Variants in ARID2 observed in about 807,000 individuals in gnomAD.
ARID2 encodes the protein AT-rich interactive domain-containing protein 2.
A neutral mutation model predicts 184.6 loss-of-function variants in ARID2; 32 were observed. The ratio of observed to expected loss-of-function variants is 0.17; its 90% CI spans 0.13 to 0.23. The LOEUF (loss-of-function observed/expected upper bound fraction) is 0.23, where lower values mean the gene tolerates loss of function less well. ARID2 is among the 10% of genes least tolerant of loss of function. ARID2 has a pLI of 1.00. For synonymous variants in ARID2, 836 were observed against 772.6 expected, an observed-to-expected ratio of 1.08 and a Z score of -1.36; for missense variants, 1,696 against 2,197.6, an observed-to-expected ratio of 0.77 and a Z score of 4.56.
chr12:45,847,911 A>T (rs141487312), intron 12 of ARID2, among the ~76,000 whole-genome samples: 1 of 152,050 alleles, frequency 6.6e-6, no homozygotes, highest in East Asian at 1.9e-4. Context: ...TTTGTCTTCT[A>T]CATTGCAACC....
At position 45,895,990 on chromosome 12, in the gene ARID2, G is replaced by C. The variant is rs560318851; in HGVS notation, c.5363+2269G>C. Among the ~76,000 whole-genome samples, 14 of 152,332 alleles carry C rather than the reference G, an allele frequency of 9.2e-5. No homozygotes were observed. In the South Asian group the frequency reaches 2.1e-3, roughly 23 times the overall value. ...GATTTCTCATGTTCATGGATTGGAAGACTTAATTTAGGTGAGATGTCAGTA... is the reference window on the plus strand; with the variant it reads ...GATTTCTCATGTTCATGGATTGGAACACTTAATTTAGGTGAGATGTCAGTA... On this transcript the variant is annotated intron_variant, in intron 20 of 20. Coordinates refer to ENST00000334344, the MANE Select transcript of ARID2 (RefSeq NM_152641.4).
At chr12:45,828,006 C>T (rs1025816226) in intron 6 of ARID2, among the ~76,000 whole-genome samples, 1 of 151,850 alleles carries the variant, frequency 6.6e-6, no homozygotes, top group Non-Finnish European at 1.5e-5. Flanking sequence ...TTTTTGGACT[C>T]CTATAAGTAC....
At chr12:45,812,906 C>G (rs868705562) in intron 4 of ARID2, among the ~76,000 whole-genome samples, 12 of 152,290 alleles carry the variant, frequency 7.9e-5, no homozygotes, top group Middle Eastern at 3.4e-3. Context: ...TGTTCCCAAA[C>G]AAACACTTTT....
At chr12:45,804,744 C>CT (rs1196829157) in intron 3 of ARID2, among the ~76,000 whole-genome samples, 1 of 152,024 alleles carries the variant, frequency 6.6e-6, no homozygotes, top group Non-Finnish European at 1.5e-5. Flanking sequence ...AATACATCAT[C>CT]TAAACCCCCA....
chr12:45,898,894 A>G (rs1393706632), intron 20 of ARID2, among the ~76,000 whole-genome samples: 1 of 152,156 alleles, frequency 6.6e-6, no homozygotes, highest in African/African-American at 2.4e-5. Context: ...AGCCTGTGTG[A>G]CAGAGCAAGA....
chr12:45,900,170 C>T (rs1213751961), intron 20 of ARID2, among the ~76,000 whole-genome samples: 1 of 152,100 alleles, frequency 6.6e-6, no homozygotes, highest in Non-Finnish European at 1.5e-5. Flanking sequence ...AAGTGATTCT[C>T]CTGCCTCAGC....
intron 6 of ARID2, among the ~76,000 whole-genome samples, chr12:45,821,893 C>T (rs1043373554): frequency 3.9e-5 from 6 of 152,134 alleles, no homozygotes; most frequent in Non-Finnish European, 7.4e-5. Flanking sequence ...AAGTGTCCAT[C>T]TAGAGGAAAA....
intron 6 of ARID2, among the ~76,000 whole-genome samples, chr12:45,823,248 A>G (rs1349725840): frequency 6.6e-6 from 1 of 152,174 alleles, no homozygotes; most frequent in African/African-American, 2.4e-5. Context: ...GAAGTTAAGA[A>G]GGAAATTTAA....
intron 6 of ARID2, among the ~76,000 whole-genome samples, chr12:45,836,003 T>G (rs1445192437): frequency 6.6e-6 from 1 of 152,162 alleles, no homozygotes; most frequent in Non-Finnish European, 1.5e-5. Flanking sequence ...GATTTCTGAT[T>G]TCTTTCACAG....
intron 3 of ARID2, among the ~76,000 whole-genome samples, chr12:45,798,621 A>G (rs972470494): frequency 2.6e-5 from 4 of 152,198 alleles, no homozygotes; most frequent in Non-Finnish European, 4.4e-5. Flanking sequence ...AAGTTCTTCT[A>G]AAAGTAAGGT....
At chr12:45,875,668 C>T (rs1260034564) in intron 16 of ARID2, among the ~76,000 whole-genome samples, 4 of 152,360 alleles carry the variant, frequency 2.6e-5, no homozygotes, top group South Asian at 2.1e-4. Context: ...TTCTGGATAA[C>T]GTGCTGCAGC....
At position 45,818,424 on chromosome 12, in the gene ARID2, C is replaced by T. The variant is rs140623973; in HGVS notation, c.637+536C>T. ...CTAGATTATCACACAGAGCAAATTA[C>T]TCAGTTTTCTCTTGCAGTTTAATAA... is the stretch of plus-strand genomic sequence containing the variant. On this transcript the variant is annotated intron_variant, in intron 5 of 20. Coordinates refer to ENST00000334344, the MANE Select transcript of ARID2 (RefSeq NM_152641.4). Among the ~76,000 whole-genome samples the T allele has an allele frequency of 1.5e-4, 23 of 152,248 alleles. 1 individual carries two copies. Among genetic ancestry groups the T allele is most frequent in the African/African-American group, 5.5e-4 (23 of 41,562 alleles).
intron 3 of ARID2, among the ~76,000 whole-genome samples, chr12:45,789,908 G>A (rs1429818224): frequency 6.6e-6 from 1 of 152,126 alleles, no homozygotes; most frequent in Non-Finnish European, 1.5e-5. Flanking sequence ...CTTGAGGCCA[G>A]AAGTTGGAGA....
rs570430176 is a variant in ARID2, at chr12:45,895,043, C to T, written c.5363+1322C>T. 1.6e-3 allele frequency among the ~76,000 whole-genome samples: 238 copies of T among 152,328 alleles called. 2 individuals are homozygous for T. The highest frequency in any genetic ancestry group is 5.6e-3 in the African/African-American group (232 of 41,566). On this transcript the variant is annotated intron_variant, in intron 20 of 20. Transcript: ENST00000334344. ...CATGATTCAGTTCAGACATGAGTTT[C>T]TTTGTGTAGCTTTTCCTTTGCTCTA...
chr12:45,768,658 GATAA>G (rs1472497406), intron 3 of ARID2, among the ~76,000 whole-genome samples: 2 of 152,166 alleles, frequency 1.3e-5, no homozygotes, highest in East Asian at 1.9e-4. Flanking sequence ...GTGCAGTGGA[GATAA>G]ATAAACTGTA....
chr12:45,824,202 G>T (rs1014425613), intron 6 of ARID2, among the ~76,000 whole-genome samples: 1 of 152,016 alleles, frequency 6.6e-6, no homozygotes, highest in Non-Finnish European at 1.5e-5. Context: ...TTTGTCATAC[G>T]TGGCTTTTAT....
intron 16 of ARID2, among the ~76,000 whole-genome samples, chr12:45,868,898 T>C (rs981554690): frequency 2.0e-5 from 3 of 152,230 alleles, no homozygotes; most frequent in Admixed American, 6.5e-5. Flanking sequence ...TTTTTTATGA[T>C]TTATTTGAGC....
intron 8 of ARID2, 91 bp from the exon 9 acceptor site, chr12:45,837,230 A>G (rs1943237225): frequency 8.2e-7 from 1 of 1,225,978 alleles, no homozygotes; most frequent in Admixed American, 2.4e-5. Flanking sequence ...GTTATGCAAC[A>G]TTGTCCTGTT....
intron 6 of ARID2, among the ~76,000 whole-genome samples, chr12:45,822,050 T>C (rs1359179419): frequency 6.6e-6 from 1 of 152,212 alleles, no homozygotes. Context: ...TTTTATTTAC[T>C]CTCCAAGGGT....
Sources: allele counts gnomAD v4.1 joint callset (sites outside exome capture counted in the v4.1 genomes callset), GRCh38; gene constraint gnomAD v4.1.1; transcripts MANE v1.5; gene names NCBI Gene and HGNC (gene_info 2026-07-23, HGNC 2026-07-21).